The following ROCK1 variants were observed in gnomAD, a reference collection of about 807,000 sequenced individuals.
ROCK1 encodes the protein rho-associated protein kinase 1.
In ROCK1, 36 loss-of-function variants were observed where a neutral mutation model predicts 196.8. The observed-to-expected ratio is 0.18, with a 90% confidence interval of 0.14 to 0.24. ROCK1 has a LOEUF of 0.24. ROCK1 is among the 10% of genes least tolerant of loss of function. The probability of loss-of-function intolerance (pLI) is 1.00; values close to 1 mark genes in which losing one functional copy is unlikely to be tolerated. For synonymous variants in ROCK1, 443 were observed against 515.9 expected (o/e 0.86, Z 1.91); for missense variants, 920 against 1,562.0 (o/e 0.59, Z 6.93).
At chr18:20,965,898 C>T (rs2035369924) in intron 27 of ROCK1, among the ~76,000 whole-genome samples, 1 of 152,144 alleles carries the variant, frequency 6.6e-6, no homozygotes, top group South Asian at 2.1e-4. Context: ...GAGCTGAATT[C>T]ATTTCCCACT....
At chr18:20,969,902 T>C (rs1460404173) in intron 23 of ROCK1, 1 of 153,302 alleles carries the variant, frequency 6.5e-6, no homozygotes, top group Non-Finnish European at 1.5e-5. Context: ...ACCTCAGGAA[T>C]AGGTAATTGT....
At chr18:21,073,934 C>T (rs1218315260) in intron 1 of ROCK1, among the ~76,000 whole-genome samples, 1 of 152,144 alleles carries the variant, frequency 6.6e-6, no homozygotes, top group Non-Finnish European at 1.5e-5. Flanking sequence ...AGGAGGATCA[C>T]TTGAAACCAG....
chr18:21,039,702 A>ATTTCTATTTGGG, intron 8 of ROCK1, 139 bp from the exon 9 acceptor site: 1 of 592,728 alleles, frequency 1.7e-6, no homozygotes, highest in Non-Finnish European at 3.0e-6. Flanking sequence ...TTGTCAGCAT[A>ATTTCTATTTGGG]GTATCAGCCC....
chr18:20,980,436 A>C (rs1171419520), intron 21 of ROCK1, among the ~76,000 whole-genome samples: 1 of 152,172 alleles, frequency 6.6e-6, no homozygotes, highest in African/African-American at 2.4e-5. Flanking sequence ...ATCAATAATC[A>C]TGGAAAAACA....
At chr18:20,964,914 C>T (rs1161890377) in intron 27 of ROCK1, among the ~76,000 whole-genome samples, 1 of 152,178 alleles carries the variant, frequency 6.6e-6, no homozygotes, top group Non-Finnish European at 1.5e-5. Flanking sequence ...TCCTCATTAG[C>T]AGTCCCACCA....
chr18:20,979,448 CCT>C (rs2035509884), intron 22 of ROCK1, among the ~76,000 whole-genome samples: 2 of 152,022 alleles, frequency 1.3e-5, no homozygotes, highest in South Asian at 2.1e-4. Context: ...ATGGTGAAAC[CCT>C]GTCTCTACTA....
Position 21,008,070 on chromosome 18 carries a change from A to G in ROCK1, c.1535T>C (p.Val512Ala). 6.3e-7 allele frequency: 1 copy of G among 1,592,058 alleles called. No individual in the cohort carries two copies. Among genetic ancestry groups the G allele is most frequent in the Non-Finnish European group, 8.5e-7 (1 of 1,170,776 alleles). The change falls in exon 14 of 33, where the codon GTA (valine) becomes GCA (alanine). Residue 512 changes from valine to alanine, a missense_variant. Transcript: ENST00000399799. ...AEQENEKRRN[V>A]ENEVSTLKDQ... ...TAGTGACAATTTACCTTCATTTTCTACATTTCTTCTCTTCTCATTTTCCTG... is the reference window on the plus strand; with the variant it reads ...TAGTGACAATTTACCTTCATTTTCTGCATTTCTTCTCTTCTCATTTTCCTG...
At chr18:21,047,752 C>T (rs1209045583) in intron 4 of ROCK1, among the ~76,000 whole-genome samples, 1 of 151,424 alleles carries the variant, frequency 6.6e-6, no homozygotes, top group South Asian at 2.1e-4. Flanking sequence ...GAGCCGAGAT[C>T]GCACCATTGC....
intron 1 of ROCK1, among the ~76,000 whole-genome samples, chr18:21,100,976 C>G (rs541796470): frequency 6.6e-6 from 1 of 152,168 alleles, no homozygotes; most frequent in African/African-American, 2.4e-5. Context: ...ATTATCTATA[C>G]CTTTGTAAAC....
At chr18:20,973,106 C>T (rs534025201) in intron 22 of ROCK1, among the ~76,000 whole-genome samples, 9 of 151,754 alleles carry the variant, frequency 5.9e-5, no homozygotes, top group Non-Finnish European at 2.9e-5. Flanking sequence ...CTTGAACTCC[C>T]GACCTCAGGG....
intron 22 of ROCK1, among the ~76,000 whole-genome samples, chr18:20,972,308 G>C (rs1183478634): frequency 6.6e-6 from 1 of 152,162 alleles, no homozygotes; most frequent in African/African-American, 2.4e-5. Flanking sequence ...ACTGAAATGA[G>C]GAAGACAGGA....
chr18:21,057,683 C>T (rs905400234), intron 2 of ROCK1, among the ~76,000 whole-genome samples: 2 of 151,828 alleles, frequency 1.3e-5, no homozygotes, highest in East Asian at 3.9e-4. Flanking sequence ...TTAGCCGGCA[C>T]GGTGGTGGGC....
In ROCK1 at chr18:21,020,248, T is replaced by G. The variant is rs780103177; in HGVS notation, c.1273-9A>C. ...TTTTGCAAACTTTCCTGCTTTAATTTAAAACAAAAACAAAAACTCATTCTA... is the reference window on the plus strand; with the variant it reads ...TTTTGCAAACTTTCCTGCTTTAATTGAAAACAAAAACAAAAACTCATTCTA... On this transcript the variant is annotated splice_polypyrimidine_tract_variant and intron_variant, in intron 11 of 32. Transcript: ENST00000399799. 9 of 1,521,712 alleles carry G rather than the reference T, an allele frequency of 5.9e-6. No homozygotes were observed. The highest frequency in any genetic ancestry group is 4.0e-5 in the Admixed American group (2 of 50,266). The allele number at this position is 1,521,712 out of a possible 1,614,324, so 94.3% of individuals were successfully genotyped here.
intron 2 of ROCK1, among the ~76,000 whole-genome samples, chr18:21,058,505 T>G (rs966904928): frequency 6.6e-6 from 1 of 152,222 alleles, no homozygotes; most frequent in Admixed American, 6.5e-5. Flanking sequence ...CATTGCATAC[T>G]TTTAGAGTAG....
rs776299481 is a variant in ROCK1 at position 21,044,207 on chromosome 18, T to C, written c.591-21A>G. On this transcript the variant is annotated intron_variant, in intron 5 of 32. Coordinates refer to ENST00000399799, the MANE Select transcript of ROCK1 (RefSeq NM_005406.3). ...CATCTCTGCAGGAGGGAAAAAATAG[T>C]ACAGTATTTTCTGAAACAGATTAGA... 9 of 1,565,850 alleles carry C rather than the reference T, an allele frequency of 5.7e-6. No individual in the cohort carries two copies. In the African/African-American group the frequency reaches 1.1e-4, roughly 19 times the overall value.
chr18:21,110,537 T>C (rs1568413100), intron 1 of ROCK1, among the ~76,000 whole-genome samples: 1 of 152,180 alleles, frequency 6.6e-6, no homozygotes. Flanking sequence ...TGATAACTTT[T>C]TATAGGATGC....
chr18:21,062,285 T>TA (rs1319749608), intron 2 of ROCK1, among the ~76,000 whole-genome samples: 1 of 152,082 alleles, frequency 6.6e-6, no homozygotes, highest in East Asian at 1.9e-4. Context: ...TTCCTTTTTT[T>TA]AAAAAAAGTA....
chr18:20,969,121 C>G lies in ROCK1; in HGVS notation c.2908G>C (p.Glu970Gln). The change falls in exon 24 of 33, where the codon GAG (glutamate) becomes CAG (glutamine). Residue 970 changes from glutamate (E) to glutamine (Q), a missense_variant. Transcript: ENST00000399799. ...EELTEKMKKAEEEYKLEKEEE... is the reference protein window; with the variant it reads ...EELTEKMKKAQEEYKLEKEEE... ...TTTTAAAAATTCTACATACCTTCCTCTGCCTTCTTCATTTTCTCTGTTAGC... is the reference window on the plus strand; with the variant it reads ...TTTTAAAAATTCTACATACCTTCCTGTGCCTTCTTCATTTTCTCTGTTAGC... The G allele has an allele frequency of 6.4e-7, 1 of 1,574,352 alleles. No homozygotes were observed. Among genetic ancestry groups the G allele is most frequent in the Non-Finnish European group, 8.7e-7 (1 of 1,152,098 alleles).
intron 5 of ROCK1, 71 bp downstream of exon 5, chr18:21,045,221 A>G: frequency 7.4e-7 from 1 of 1,345,586 alleles, no homozygotes; most frequent in Non-Finnish European, 1.0e-6. Flanking sequence ...AACTGAGAGT[A>G]AGAAATGTTA....
Sources: gnomAD v4.1 joint callset for allele counts (sites outside exome capture counted in the v4.1 genomes callset) on GRCh38, gnomAD v4.1.1 for gene constraint, MANE v1.5 for transcripts, NCBI Gene and HGNC (gene_info 2026-07-23, HGNC 2026-07-21) for gene names.